The following NOTO variants were observed in gnomAD, a reference collection of about 807,000 sequenced individuals.
NOTO encodes the protein homeobox protein notochord.
NOTO carries 19 observed loss-of-function variants against 20.5 expected under a neutral mutation model. That is an observed-to-expected ratio of 0.93 (90% confidence interval 0.65 to 1.36). NOTO has a LOEUF of 1.36. NOTO is among the 40% of genes most tolerant of loss of function. The pLI, the probability that NOTO is intolerant of heterozygous loss-of-function variation, is 0.00. For missense variants in NOTO, 369 were observed against 336.2 expected, an observed-to-expected ratio of 1.10 and a Z score of -0.76; for synonymous variants, 150 against 150.2, an observed-to-expected ratio of 1.00 and a Z score of 0.01.
intron 2 of NOTO, 63 bp downstream of exon 2, chr2:73,208,677 G>T: frequency 9.3e-7 from 1 of 1,069,744 alleles, no homozygotes; most frequent in Non-Finnish European, 1.4e-6. Flanking sequence ...CCTCAGCAAG[G>T]CCCTAAAAGG....
chr2:73,206,548 A>G (rs752195220), intron 1 of NOTO, among the ~76,000 whole-genome samples: 1 of 152,064 alleles, frequency 6.6e-6, no homozygotes, highest in Non-Finnish European at 1.5e-5. Context: ...CATGTTGCCC[A>G]GGGTGGTCTC....
At chr2:73,209,983 T>C (rs1686155693) in intron 2 of NOTO, among the ~76,000 whole-genome samples, 1 of 152,126 alleles carries the variant, frequency 6.6e-6, no homozygotes, top group Non-Finnish European at 1.5e-5. Flanking sequence ...TTCACTTCTC[T>C]CTGTCACCCC....
chr2:73,208,542 T>G lies in NOTO; in HGVS notation c.525T>G (p.Phe175Leu). The G allele has an allele frequency of 6.4e-7, 1 of 1,551,624 alleles. No individual in the cohort carries two copies. Among genetic ancestry groups the G allele is most frequent in the South Asian group, 1.2e-5 (1 of 84,050 alleles). ...AGCTGGAAGAGTTGGAGAAAGTGTT[T>G]GCAAAACAGCACAATCTGGTGGGGA... ...LEQLEELEKVFAKQHNLVGKK... is the reference protein window; with the variant it reads ...LEQLEELEKVLAKQHNLVGKK... Residue 175 changes from phenylalanine (F) to leucine (L), a missense_variant, in exon 2 of 3, where the codon TTT (phenylalanine) becomes TTG (leucine). Phe to Leu is a conservative substitution (Grantham distance 22, BLOSUM62 0). Coordinates refer to ENST00000398468, the MANE Select transcript of NOTO (RefSeq NM_001134462.2).
chr2:73,210,530 C>T (rs1167371681), intron 2 of NOTO, among the ~76,000 whole-genome samples: 3 of 152,214 alleles, frequency 2.0e-5, no homozygotes, highest in Admixed American at 1.3e-4. Flanking sequence ...CAGCTTGCCT[C>T]TGTTGCTCAC....
At chr2:73,205,051 T>G (rs2103690708) in intron 1 of NOTO, among the ~76,000 whole-genome samples, 1 of 152,158 alleles carries the variant, frequency 6.6e-6, no homozygotes, top group East Asian at 1.9e-4. Context: ...TGGCTAATTT[T>G]TTGTATTTTT....
intron 1 of NOTO, among the ~76,000 whole-genome samples, chr2:73,205,764 T>C (rs1029897097): frequency 6.6e-6 from 1 of 152,104 alleles, no homozygotes; most frequent in Non-Finnish European, 1.5e-5. Flanking sequence ...GCTTCCTGAG[T>C]AGCAGGGACC....
At position 73,210,774 on chromosome 2, in the gene NOTO, A is replaced by G. The variant is rs766719746; in HGVS notation, c.601A>G (p.Arg201Gly). The G allele has an allele frequency of 3.9e-5, 60 of 1,549,340 alleles. No individual in the cohort carries two copies. The highest frequency in any genetic ancestry group is 4.6e-5 in the Non-Finnish European group (53 of 1,145,582). ...ARLKLTENQV[R>G]VWFQNRRVKY... The stretch of plus-strand genomic sequence containing the variant: ...TCTGCCCACTCTCCAATTATAGGTG[A>G]GAGTCTGGTTCCAGAACCGCAGGGT... Residue 201 changes from arginine (R) to glycine (G), a missense_variant, in exon 3 of 3, where the codon AGA becomes GGA. Transcript: ENST00000398468.
intron 1 of NOTO, among the ~76,000 whole-genome samples, chr2:73,206,071 C>T (rs1359080456): frequency 6.6e-6 from 1 of 152,090 alleles, no homozygotes; most frequent in Admixed American, 6.6e-5. Context: ...AGAACTTCCT[C>T]ACTGTGAAGT....
rs1160778349 is a variant in NOTO at position 73,208,401 on chromosome 2, G to A, written c.384G>A (p.Gly128=). Residue 128 remains glycine, a splice_region_variant and synonymous_variant, in exon 2 of 3, where the codon GGG becomes GGA. Coordinates refer to ENST00000398468, the MANE Select transcript of NOTO (RefSeq NM_001134462.2). ...VCGLLGFGVT[G]LELAHCSGLW... ...CCCCTGCTGCTGGTTGCTCTTTAGG[G>A]TTGGAGCTGGCTCACTGCTCAGGAC... 12 of 1,550,644 alleles carry A rather than the reference G, an allele frequency of 7.7e-6. No homozygotes were observed. In the Admixed American group the frequency reaches 9.8e-5, roughly 13 times the overall value.
At chr2:73,203,261 G>A (rs147273008) in intron 1 of NOTO, among the ~76,000 whole-genome samples, 200 of 152,322 alleles carry the variant, frequency 1.3e-3, no homozygotes, top group African/African-American at 4.6e-3. Flanking sequence ...GGCTTCCCCC[G>A]CACGCTGCTG....
intron 1 of NOTO, among the ~76,000 whole-genome samples, chr2:73,204,141 G>T (rs1316993666): frequency 6.0e-5 from 9 of 150,536 alleles, no homozygotes; most frequent in Non-Finnish European, 1.0e-4. Flanking sequence ...AGGAGGGCGT[G>T]GTGGCGCGCG....
chr2:73,202,819 C>A lies in NOTO; in HGVS notation c.153C>A (p.Val51=), dbSNP rs2103687212. 2 of 1,525,804 alleles carry A rather than the reference C, an allele frequency of 1.3e-6. No homozygotes were observed. The highest frequency in any genetic ancestry group is 8.8e-7 in the Non-Finnish European group (1 of 1,142,198). 94.5% of individuals were successfully genotyped at this position (1,525,804 alleles called of 1,614,324 possible). A position where few individuals can be genotyped will look rare whatever the true frequency, so the allele number is the denominator to read the frequency against. Residue 51 remains valine (V), a synonymous_variant, in exon 1 of 3, where the codon GTC becomes GTA. Transcript: ENST00000398468. ...APGRFESPFS[V]EAILARPDPC... The stretch of plus-strand genomic sequence containing the variant: ...GACGCTTCGAGTCCCCTTTCTCGGT[C>A]GAGGCCATCCTGGCGAGGCCCGACC...
chr2:73,203,052 CT>C lies in NOTO; in HGVS notation c.382+5del. ...CTGCTGGGCTTCGGCGTCACAGGTA[CT>C]GCGGTCCCGGCGCCCGCACGCGGGG... is the stretch of plus-strand genomic sequence containing the variant. On this transcript the variant is annotated splice_donor_5th_base_variant and intron_variant, in intron 1 of 2. Transcript: ENST00000398468. 1 of 1,378,650 alleles carries C rather than the reference CT, an allele frequency of 7.3e-7. No homozygotes were observed. Among genetic ancestry groups the C allele is most frequent in the Non-Finnish European group, 9.3e-7 (1 of 1,071,642 alleles). The allele number at this position is 1,378,650 out of a possible 1,614,324, so 85.4% of individuals were successfully genotyped here.
chr2:73,207,889 C>G (rs1686111049), intron 1 of NOTO, among the ~76,000 whole-genome samples: 4 of 152,218 alleles, frequency 2.6e-5, no homozygotes, highest in Admixed American at 1.3e-4. Flanking sequence ...GCTCAACCCT[C>G]TCTTCTGACT....
At position 73,202,844 on chromosome 2, in the gene NOTO, C is replaced by G; in HGVS notation, c.178C>G (p.Pro60Ala). The change falls in exon 1 of 3, where the codon CCC (proline) becomes GCC (alanine). Residue 60 changes from proline (P) to alanine (A), a missense_variant. Transcript: ENST00000398468. ...SVEAILARPD[P>A]CAPAASQPSG... Reference sequence around the variant, plus strand: ...CGAGGCCATCCTGGCGAGGCCCGACCCCTGCGCGCCGGCGGCCTCCCAGCC... The same window carrying G: ...CGAGGCCATCCTGGCGAGGCCCGACGCCTGCGCGCCGGCGGCCTCCCAGCC... 1 of 1,526,152 alleles carries G rather than the reference C, an allele frequency of 6.6e-7. No homozygotes were observed. Among genetic ancestry groups the G allele is most frequent in the South Asian group, 1.2e-5 (1 of 83,116 alleles). The allele number at this position is 1,526,152 out of a possible 1,614,324, so 94.5% of individuals were successfully genotyped here. A position where few individuals can be genotyped will look rare whatever the true frequency, so the allele number is the denominator to read the frequency against.
chr2:73,208,745 C>T, intron 2 of NOTO, 131 bp downstream of exon 2: 1 of 640,930 alleles, frequency 1.6e-6, no homozygotes, highest in Non-Finnish European at 2.7e-6. Flanking sequence ...GGGGACAGGC[C>T]CTGACTTTTT....
chr2:73,210,455 CTTTG>C (rs780343803), intron 2 of NOTO, among the ~76,000 whole-genome samples: 6 of 152,300 alleles, frequency 3.9e-5, no homozygotes, highest in Non-Finnish European at 7.4e-5. Context: ...TTACATAGCT[CTTTG>C]TTTGTTTACA....
intron 2 of NOTO, among the ~76,000 whole-genome samples, chr2:73,210,553 A>T (rs914717235): frequency 6.6e-6 from 1 of 152,238 alleles, no homozygotes; most frequent in Non-Finnish European, 1.5e-5. Context: ...CTGTATCAGC[A>T]TCACCTAGGA....
chr2:73,208,653 G>GGGGA (rs1174422881), intron 2 of NOTO, 39 bp downstream of exon 2: 1 of 1,337,488 alleles, frequency 7.5e-7, no homozygotes, highest in Non-Finnish European at 1.0e-6. Context: ...GGCTGCACCT[G>GGGGA]GGGACAAACA....
Sources: gnomAD v4.1 joint callset for allele counts (sites outside exome capture counted in the v4.1 genomes callset) on GRCh38, gnomAD v4.1.1 for gene constraint, MANE v1.5 for transcripts, NCBI Gene and HGNC (gene_info 2026-07-23, HGNC 2026-07-21) for gene names.